The following TBC1D19 variants were observed in gnomAD, a reference collection of about 807,000 sequenced individuals.
TBC1D19 encodes the protein TBC1 domain family, member 19.
A neutral mutation model predicts 89.0 loss-of-function variants in TBC1D19; 60 were observed. The ratio of observed to expected loss-of-function variants is 0.67; its 90% CI spans 0.55 to 0.84. TBC1D19 has a LOEUF of 0.84. Ranked by LOEUF, TBC1D19 falls within the 40% of genes least tolerant of loss-of-function variation. TBC1D19 has a pLI of 0.00. For synonymous variants in TBC1D19, 189 were observed against 199.7 expected (o/e 0.95, Z 0.45); for missense variants, 500 against 610.8 (o/e 0.82, Z 1.91).
chr4:26,588,030 T>C (rs1739526420), intron 1 of TBC1D19, among the ~76,000 whole-genome samples: 4 of 149,316 alleles, frequency 2.7e-5, no homozygotes, highest in Admixed American at 2.7e-4. Flanking sequence ...TGTTCTTTTT[T>C]TTTTTTTTTT....
rs186951690 is a variant in TBC1D19 at position 26,636,074 on chromosome 4, T to C, written c.295-1137T>C. ...ACATCTTTAATCTTTGTAACAGCCA[T>C]ATAAGGGAACTGTTGTTATTATTCC... is the stretch of plus-strand genomic sequence containing the variant. On this transcript the variant is annotated intron_variant, in intron 4 of 20. Coordinates refer to ENST00000264866, the MANE Select transcript of TBC1D19 (RefSeq NM_018317.4). 5.7e-3 allele frequency among the ~76,000 whole-genome samples: 865 copies of C among 152,248 alleles called. 5 individuals carry two copies. Among genetic ancestry groups the C allele is most frequent in the Middle Eastern group, 0.017 (5 of 294 alleles).
rs866210831 is a variant in TBC1D19 at position 26,716,718 on chromosome 4, G to A, written c.955-1215G>A. 2.6e-5 allele frequency among the ~76,000 whole-genome samples: 4 copies of A among 152,184 alleles called. No homozygotes were observed. The South Asian group carries it at 8.3e-4, about 32-fold the overall frequency. On this transcript the variant is annotated intron_variant, in intron 13 of 20. Transcript: ENST00000264866. ...ATATGTATGAGTATGTTAAAAAGCA[G>A]TCTGAAAGGATATACCTCAAATTAT...
At chr4:26,657,848 A>AT (rs550439390) in intron 7 of TBC1D19, among the ~76,000 whole-genome samples, 1 of 152,158 alleles carries the variant, frequency 6.6e-6, no homozygotes, top group Non-Finnish European at 1.5e-5. Context: ...AATGATGAGC[A>AT]TTTTTTATAT....
chr4:26,627,219 T>A (rs1742475889), intron 4 of TBC1D19, among the ~76,000 whole-genome samples: 1 of 151,578 alleles, frequency 6.6e-6, no homozygotes, highest in African/African-American at 2.4e-5. Context: ...GGACATGAAC[T>A]CATCATTTTT....
At chr4:26,751,186 T>C (rs1360056459) in intron 19 of TBC1D19, among the ~76,000 whole-genome samples, 1 of 152,214 alleles carries the variant, frequency 6.6e-6, no homozygotes, top group East Asian at 1.9e-4. Flanking sequence ...ACTTCTGTGA[T>C]GTGACACCAA....
At chr4:26,775,820 C>CA in the TBC1D19 span, among the ~76,000 whole-genome samples, 1 of 151,980 alleles carries the variant, frequency 6.6e-6, no homozygotes, top group Non-Finnish European at 1.5e-5. Flanking sequence ...GTTTTCAAGG[C>CA]AATGAGTTGG....
In TBC1D19 at chr4:26,756,017, A is replaced by T. The variant is rs1719244271; in HGVS notation, c.*1070A>T. On this transcript the variant is annotated 3_prime_UTR_variant, in exon 21 of 21. Coordinates refer to ENST00000264866, the MANE Select transcript of TBC1D19 (RefSeq NM_018317.4). ...TTTTAGTTTCAAATTTAAGATGCTG[A>T]TCACTTCACTAAAACTGTAAATCAG... Among the ~76,000 whole-genome samples, 1 of 152,226 alleles carries T rather than the reference A, an allele frequency of 6.6e-6. No homozygotes were observed. The highest frequency in any genetic ancestry group is 6.5e-5 in the Admixed American group (1 of 15,278).
intron 1 of TBC1D19, among the ~76,000 whole-genome samples, chr4:26,606,684 G>T (rs368698735): frequency 6.6e-6 from 1 of 152,136 alleles, no homozygotes; most frequent in Non-Finnish European, 1.5e-5. Context: ...AGCATTAAAT[G>T]GTTAGTCAAC....
At chr4:26,702,038 C>G (rs10030685) in intron 13 of TBC1D19, among the ~76,000 whole-genome samples, 4,853 of 152,150 alleles carry the variant, frequency 0.032, 259 homozygotes, top group African/African-American at 0.11. Flanking sequence ...AACTACAAAG[C>G]CTCTTTGGTG....
At chr4:26,664,640 T>A (rs1336356022) in intron 8 of TBC1D19, among the ~76,000 whole-genome samples, 1 of 151,880 alleles carries the variant, frequency 6.6e-6, no homozygotes, top group Non-Finnish European at 1.5e-5. Context: ...TTTTTTTTTT[T>A]TTTTGCAGTT....
rs550435081 is a variant in TBC1D19 at position 26,709,143 on chromosome 4, TGTTTTA to T, written c.955-8778_955-8773del. Among the ~76,000 whole-genome samples, 391 of 152,170 alleles carry T rather than the reference TGTTTTA, an allele frequency of 2.6e-3. 3 individuals are homozygous for T. The highest frequency in any genetic ancestry group is 9.1e-3 in the African/African-American group (379 of 41,548). On this transcript the variant is annotated intron_variant, in intron 13 of 20. Transcript: ENST00000264866. ...CCAGCGTTTTTGTTGTTGTTGTTATTGTTTTAGTTTTAGTTTTTTTGAATGTTGTTT... is the reference window on the plus strand; with the variant it reads ...CCAGCGTTTTTGTTGTTGTTGTTATTGTTTTAGTTTTTTTGAATGTTGTTT...
the TBC1D19 span, among the ~76,000 whole-genome samples, chr4:26,817,839 G>A: frequency 5.3e-5 from 8 of 151,532 alleles, no homozygotes; most frequent in Non-Finnish European, 7.4e-5. Context: ...GTGGTGGTGC[G>A]TGCCTATAAT....
At chr4:26,588,705 C>T (rs776175692) in intron 1 of TBC1D19, among the ~76,000 whole-genome samples, 2 of 152,094 alleles carry the variant, frequency 1.3e-5, no homozygotes, top group South Asian at 4.2e-4. Flanking sequence ...TTACCACTAT[C>T]TTTCTCTGAT....
the TBC1D19 span, among the ~76,000 whole-genome samples, chr4:26,795,925 C>T: frequency 6.6e-6 from 1 of 152,158 alleles, no homozygotes; most frequent in East Asian, 1.9e-4. Context: ...ATGTATCCCT[C>T]CAGAATTTCT....
rs529259221 is a variant in TBC1D19 at position 26,617,139 on chromosome 4, G to A, written c.218+2686G>A. On this transcript the variant is annotated intron_variant, in intron 3 of 20. Coordinates refer to ENST00000264866, the MANE Select transcript of TBC1D19 (RefSeq NM_018317.4). Reference sequence around the variant, plus strand: ...GGAGGCTGGGAAGTCCAATATCAAGGTGCCAGCATCTGGTGAGAGCCTTCT... The same window carrying A: ...GGAGGCTGGGAAGTCCAATATCAAGATGCCAGCATCTGGTGAGAGCCTTCT... Among the ~76,000 whole-genome samples, 10 of 152,312 alleles carry A rather than the reference G, an allele frequency of 6.6e-5. No homozygotes were observed. The South Asian group carries it at 2.1e-3, about 32-fold the overall frequency.
At chr4:26,694,976 G>C (rs1714636347) in intron 13 of TBC1D19, among the ~76,000 whole-genome samples, 1 of 152,188 alleles carries the variant, frequency 6.6e-6, no homozygotes, top group South Asian at 2.1e-4. Flanking sequence ...ATTTCTAAAA[G>C]TCAGAGCACC....
chr4:26,700,998 G>A (rs532440792), intron 13 of TBC1D19, among the ~76,000 whole-genome samples: 10 of 152,120 alleles, frequency 6.6e-5, no homozygotes, highest in African/African-American at 9.6e-5. Context: ...CCACCTCTCC[G>A]GGTGGATTGT....
chr4:26,802,348 C>A, the TBC1D19 span, among the ~76,000 whole-genome samples: 1 of 152,164 alleles, frequency 6.6e-6, no homozygotes, highest in African/African-American at 2.4e-5. Context: ...CACTTGTAAT[C>A]CCAGCACTTT....
intron 7 of TBC1D19, among the ~76,000 whole-genome samples, chr4:26,640,474 G>T (rs1743423657): frequency 6.6e-6 from 1 of 152,206 alleles, no homozygotes; most frequent in Non-Finnish European, 1.5e-5. Flanking sequence ...CCAGTCTGCA[G>T]CTCCCAGCGT....
Sources: allele counts gnomAD v4.1 joint callset (sites outside exome capture counted in the v4.1 genomes callset), GRCh38; gene constraint gnomAD v4.1.1; transcripts MANE v1.5; gene names NCBI Gene and HGNC (gene_info 2026-07-23, HGNC 2026-07-21).